The following PPARGC1A variants were observed in gnomAD, a reference collection of about 807,000 sequenced individuals.
PPARGC1A encodes the protein PPARG coactivator 1 alpha.
Under a neutral mutation model 88.7 loss-of-function variants are expected in PPARGC1A, and 25 were observed. The observed-to-expected ratio is 0.28, with a 90% confidence interval of 0.21 to 0.39. PPARGC1A has a LOEUF of 0.39. PPARGC1A is among the 10% of genes least tolerant of loss of function. The pLI is 1.00. For synonymous variants in PPARGC1A, 363 were observed against 355.6 expected (o/e 1.02, Z -0.24); for missense variants, 880 against 968.7 (o/e 0.91, Z 1.22).
At chr4:24,051,859 G>T in the PPARGC1A span, among the ~76,000 whole-genome samples, 1 of 151,132 alleles carries the variant, frequency 6.6e-6, no homozygotes, top group South Asian at 2.1e-4. Flanking sequence ...GAGAGAATAG[G>T]CACCGAGGCA....
the PPARGC1A span, among the ~76,000 whole-genome samples, chr4:24,147,482 TGTCCTGCCCACA>T: frequency 2.6e-5 from 4 of 152,186 alleles, no homozygotes; most frequent in African/African-American, 9.6e-5. Context: ...GCTTATTGTC[TGTCCTGCCCACA>T]GCCCCTTCTG....
the PPARGC1A span, among the ~76,000 whole-genome samples, chr4:23,923,748 C>A: frequency 6.6e-6 from 1 of 152,172 alleles, no homozygotes; most frequent in Admixed American, 6.5e-5. Flanking sequence ...AGGAAGAGGG[C>A]AAACTCATTC....
At chr4:24,091,335 C>T in the PPARGC1A span, 1 of 624,470 alleles carries the variant, frequency 1.6e-6, no homozygotes, top group Non-Finnish European at 2.0e-6. Flanking sequence ...GGACACTACC[C>T]ATGACTTTTT....
chr4:23,897,689 C>A (rs1278341893), intron 1 of PPARGC1A, among the ~76,000 whole-genome samples: 1 of 152,140 alleles, frequency 6.6e-6, no homozygotes, highest in Admixed American at 6.6e-5. Context: ...ATTTTCCTTG[C>A]AATACAGATA....
the PPARGC1A span, among the ~76,000 whole-genome samples, chr4:24,450,881 T>C: frequency 3.3e-5 from 5 of 152,332 alleles, no homozygotes; most frequent in South Asian, 6.2e-4. Flanking sequence ...CCTCTTGTTG[T>C]CCCTCAAATG....
At chr4:24,033,213 A>T in the PPARGC1A span, among the ~76,000 whole-genome samples, 9 of 152,214 alleles carry the variant, frequency 5.9e-5, no homozygotes, top group African/African-American at 2.2e-4. Context: ...TCCCTGCTTC[A>T]GTTTCCTCTT....
chr4:24,190,663 A>C, the PPARGC1A span, among the ~76,000 whole-genome samples: 1 of 152,224 alleles, frequency 6.6e-6, no homozygotes, highest in Non-Finnish European at 1.5e-5. Context: ...CTTAGCCTCG[A>C]AGAGATGAAG....
At chr4:24,332,256 G>C in the PPARGC1A span, among the ~76,000 whole-genome samples, 2 of 152,226 alleles carry the variant, frequency 1.3e-5, no homozygotes, top group Admixed American at 6.5e-5. Flanking sequence ...GGGATTACAG[G>C]CATGAACCAC....
chr4:23,812,306 T>A (rs1721060310), intron 10 of PPARGC1A, among the ~76,000 whole-genome samples: 1 of 151,986 alleles, frequency 6.6e-6, no homozygotes, highest in Non-Finnish European at 1.5e-5. Flanking sequence ...TTGAACTCAG[T>A]CTCTTCATGG....
the PPARGC1A span, among the ~76,000 whole-genome samples, chr4:24,361,106 G>A: frequency 6.6e-6 from 1 of 152,168 alleles, no homozygotes; most frequent in Non-Finnish European, 1.5e-5. Flanking sequence ...GTGTGGCTGG[G>A]ACAAGAAGGA....
At chr4:24,001,892 G>A in the PPARGC1A span, among the ~76,000 whole-genome samples, 5 of 152,034 alleles carry the variant, frequency 3.3e-5, no homozygotes, top group African/African-American at 1.2e-4. Context: ...TACCCAGAGA[G>A]ATATAATGAG....
At chr4:23,828,868 C>A (rs1031026309) in intron 4 of PPARGC1A, among the ~76,000 whole-genome samples, 2 of 152,130 alleles carry the variant, frequency 1.3e-5, no homozygotes, top group Non-Finnish European at 2.9e-5. Flanking sequence ...GACCCTACAG[C>A]GCCTTTATTG....
chr4:23,837,772 T>A (rs969323254), intron 2 of PPARGC1A, among the ~76,000 whole-genome samples: 1 of 152,194 alleles, frequency 6.6e-6, no homozygotes, highest in African/African-American at 2.4e-5. Context: ...GGACTTCAAA[T>A]AACTACATGG....
the PPARGC1A span, among the ~76,000 whole-genome samples, chr4:24,184,253 T>C: frequency 1.6e-4 from 25 of 152,314 alleles, no homozygotes; most frequent in East Asian, 4.2e-3. Flanking sequence ...ATTTGGAAAT[T>C]AGGAAACTGA....
the PPARGC1A span, among the ~76,000 whole-genome samples, chr4:23,994,861 A>G: frequency 0.76 from 116,290 of 152,094 alleles, 45,010 homozygotes; most frequent in African/African-American, 0.86. Flanking sequence ...AGATGACAAT[A>G]GAAGCAAAGA....
chr4:24,089,505 CTTTTCTTTCTTT>C, the PPARGC1A span, among the ~76,000 whole-genome samples: 1 of 73,810 alleles, frequency 1.4e-5, no homozygotes, highest in Non-Finnish European at 2.8e-5. Flanking sequence ...CTTTTCTTTT[CTTTTCTTTCTTT>C]TTTTTTTTTT....
chr4:24,036,916 G>A, the PPARGC1A span, among the ~76,000 whole-genome samples: 2 of 152,192 alleles, frequency 1.3e-5, no homozygotes, highest in South Asian at 4.1e-4. Context: ...GGTACTTACT[G>A]AGCACTATGG....
upstream of PPARGC1A, among the ~76,000 whole-genome samples, chr4:23,893,852 A>G (rs1265982650): frequency 6.6e-6 from 1 of 152,158 alleles, no homozygotes; most frequent in Admixed American, 6.6e-5. Flanking sequence ...CTCAAGAAAG[A>G]AAGGTGGAAA....
the PPARGC1A span, among the ~76,000 whole-genome samples, chr4:24,330,575 C>G: frequency 6.6e-6 from 1 of 152,314 alleles, no homozygotes; most frequent in African/African-American, 2.4e-5. Flanking sequence ...TGACAGACCA[C>G]TCAGCTGACC....
Sources: allele counts gnomAD v4.1 joint callset (sites outside exome capture counted in the v4.1 genomes callset), GRCh38; gene constraint gnomAD v4.1.1; transcripts MANE v1.5; gene names NCBI Gene and HGNC (gene_info 2026-07-23, HGNC 2026-07-21).